The following AVIL variants were observed in gnomAD, a reference collection of about 807,000 sequenced individuals.
AVIL encodes advillin.
A neutral mutation model predicts 109.9 loss-of-function variants in AVIL; 78 were observed. The ratio of observed to expected loss-of-function variants is 0.71; its 90% CI spans 0.59 to 0.86. The LOEUF (loss-of-function observed/expected upper bound fraction) is 0.86, where lower values mean the gene tolerates loss of function less well. AVIL is among the 40% of genes least tolerant of loss of function. The pLI is 0.00. For missense variants in AVIL, 892 were observed against 1,016.5 expected, an observed-to-expected ratio of 0.88 and a Z score of 1.67; for synonymous variants, 367 against 379.1, an observed-to-expected ratio of 0.97 and a Z score of 0.37.
intron 1 of AVIL, among the ~76,000 whole-genome samples, chr12:57,817,003 A>G (rs1956108285): frequency 6.6e-6 from 1 of 151,690 alleles, no homozygotes; most frequent in Non-Finnish European, 1.5e-5. Context: ...GAGAGGGGGG[A>G]AGTGGTAAAG....
intron 14 of AVIL, among the ~76,000 whole-genome samples, chr12:57,805,179 C>T (rs1422121353): frequency 1.3e-5 from 2 of 151,978 alleles, no homozygotes; most frequent in Admixed American, 6.6e-5. Context: ...CCTCAGCCTC[C>T]GGAGTAGCTG....
chr12:57,816,175 T>C (rs1312559552), intron 1 of AVIL, 116 bp from the exon 2 acceptor site: 3 of 794,408 alleles, frequency 3.8e-6, no homozygotes, highest in East Asian at 2.7e-5. Context: ...CACACCCTCA[T>C]GGTGCATCCC....
At chr12:57,818,185 T>C (rs1017537727) in intron 1 of AVIL, among the ~76,000 whole-genome samples, 4 of 53,696 alleles carry the variant, frequency 7.4e-5, no homozygotes, top group African/African-American at 2.4e-4. Flanking sequence ...TGCTTGGCTT[T>C]TTTTTTTTTT....
chr12:57,806,356 C>T lies in AVIL; in HGVS notation c.1671+4G>A. 6.2e-7 allele frequency: 1 copy of T among 1,613,994 alleles called. No homozygotes were observed. The highest frequency in any genetic ancestry group is 8.5e-7 in the Non-Finnish European group (1 of 1,179,982). On this transcript the variant is annotated splice_donor_region_variant and intron_variant, in intron 14 of 19. Coordinates refer to ENST00000549994, the MANE Select transcript of AVIL (RefSeq NM_006576.4). ...TGGTCTGACCCGGGGCCCAGCCATC[C>T]TACCTTGCCATACCACAGGTAGTGC...
rs373109688 is a variant in AVIL, at chr12:57,808,713, TA to T, written c.940-166del. 9.3e-3 allele frequency: 6,038 copies of T among 649,464 alleles called. 1 individual carries two copies. Among genetic ancestry groups the T allele is most frequent in the South Asian group, 0.015 (595 of 39,880 alleles). The allele number at this position is 649,464 out of a possible 1,614,324, so 40.2% of individuals were successfully genotyped here. ...TTGTCTAAGGACCAAGGTACCTGCC[TA>T]AAAAAAAAATGACTGAGTGGAACAT... On this transcript the variant is annotated intron_variant, in intron 9 of 19. Coordinates refer to ENST00000549994, the MANE Select transcript of AVIL (RefSeq NM_006576.4).
intron 14 of AVIL, chr12:57,806,156 T>A (rs796725183): frequency 1.4e-5 from 4 of 292,426 alleles, no homozygotes; most frequent in African/African-American, 6.7e-5. Context: ...TTTTTTTTTT[T>A]AATATCAAAC....
chr12:57,800,116 T>G (rs926286144), intron 18 of AVIL, 196 bp from the exon 19 acceptor site: 32 of 713,816 alleles, frequency 4.5e-5, no homozygotes, highest in East Asian at 3.6e-4. Context: ...ATTTTGGGGT[T>G]GTTCTTGGGA....
intron 13 of AVIL, 104 bp from the exon 14 acceptor site, chr12:57,806,643 C>T (rs1023322969): frequency 7.7e-7 from 1 of 1,305,430 alleles, no homozygotes; most frequent in Non-Finnish European, 1.1e-6. Flanking sequence ...TATGTTTGCC[C>T]TTGAGGAGCT....
Position 57,806,545 on chromosome 12 carries a change from G to A in AVIL, c.1492-6C>T. 1 of 1,613,834 alleles carries A rather than the reference G, an allele frequency of 6.2e-7. No individual in the cohort carries two copies. Among genetic ancestry groups the A allele is most frequent in the Non-Finnish European group, 8.5e-7 (1 of 1,179,872 alleles). On this transcript the variant is annotated splice_region_variant and splice_polypyrimidine_tract_variant and intron_variant, in intron 13 of 19. Coordinates refer to ENST00000549994, the MANE Select transcript of AVIL (RefSeq NM_006576.4). ...CCCTTCCTGGAAGTCCCACCCTAGA[G>A]AGAAGAAAAGCAGAGTCCAGATCTA...
intron 19 of AVIL, 94 bp downstream of exon 19, chr12:57,799,701 A>C: frequency 6.5e-7 from 1 of 1,546,418 alleles, no homozygotes; most frequent in Non-Finnish European, 8.8e-7. Flanking sequence ...AGCGGCTACA[A>C]TGTGCCGGAG....
chr12:57,799,511 G>A (rs113875743), intron 19 of AVIL, among the ~76,000 whole-genome samples: 74 of 152,314 alleles, frequency 4.9e-4, no homozygotes, highest in African/African-American at 1.6e-3. Context: ...GTAGGAACAG[G>A]TGGAAACCAG....
chr12:57,810,958 G>A (rs776734681), intron 5 of AVIL, 32 bp from the exon 6 acceptor site: 17 of 1,613,884 alleles, frequency 1.1e-5, no homozygotes, highest in Non-Finnish European at 1.4e-5. Flanking sequence ...TGTTCAGGAG[G>A]AATTCTTAGG....
At chr12:57,809,487 G>C in intron 9 of AVIL, 110 bp downstream of exon 9, 1 of 1,284,786 alleles carries the variant, frequency 7.8e-7, no homozygotes, top group South Asian at 1.3e-5. Context: ...GTCCATGTAC[G>C]TAAGCACAAT....
At chr12:57,811,254 G>T in intron 4 of AVIL, 127 bp from the exon 5 acceptor site, 1 of 845,562 alleles carries the variant, frequency 1.2e-6, no homozygotes, top group Non-Finnish European at 1.8e-6. Flanking sequence ...AAATACAGAT[G>T]GTGGCAGCTG....
intron 16 of AVIL, 104 bp downstream of exon 16, chr12:57,803,143 G>T (rs1955883948): frequency 6.9e-7 from 1 of 1,444,658 alleles, no homozygotes; most frequent in Non-Finnish European, 9.5e-7. Flanking sequence ...GCTGGGGATG[G>T]TCCAGGGCTA....
intron 14 of AVIL, chr12:57,803,937 C>G: frequency 5.5e-6 from 2 of 362,512 alleles, no homozygotes; most frequent in Non-Finnish European, 9.8e-6. Context: ...ATTTAGGCAC[C>G]TACTTTTGAT....
chr12:57,802,122 T>A (rs1476349569), intron 17 of AVIL, 38 bp downstream of exon 17: 1 of 1,605,890 alleles, frequency 6.2e-7, no homozygotes, highest in Non-Finnish European at 8.5e-7. Flanking sequence ...CTGAGCTACC[T>A]GGCAGGAAGT....
chr12:57,815,900 G>T, intron 2 of AVIL, 75 bp downstream of exon 2: 1 of 1,606,136 alleles, frequency 6.2e-7, no homozygotes, highest in Non-Finnish European at 8.5e-7. Flanking sequence ...GCGGGCTGTT[G>T]CCTAGCAGCC....
At chr12:57,801,583 T>C (rs937920852) in intron 17 of AVIL, among the ~76,000 whole-genome samples, 1 of 151,852 alleles carries the variant, frequency 6.6e-6, no homozygotes, top group African/African-American at 2.4e-5. Flanking sequence ...CTACTAAAAA[T>C]AGAAAAATTA....
Sources: gnomAD v4.1 joint callset for allele counts (sites outside exome capture counted in the v4.1 genomes callset) on GRCh38, gnomAD v4.1.1 for gene constraint, MANE v1.5 for transcripts, NCBI Gene and HGNC (gene_info 2026-07-23, HGNC 2026-07-21) for gene names.